The following SUMF1 variants were observed in gnomAD, a reference collection of about 807,000 sequenced individuals.
The protein encoded by SUMF1 is formylglycine-generating enzyme.
Under a neutral mutation model 47.6 loss-of-function variants are expected in SUMF1, and 48 were observed. The observed-to-expected ratio is 1.01, with a 90% CI of 0.80 to 1.28. The LOEUF (loss-of-function observed/expected upper bound fraction) is 1.28. Ranked by LOEUF, SUMF1 falls within the 50% of genes most tolerant of loss-of-function variation. The pLI is 0.00. For missense variants in SUMF1, 571 were observed against 485.4 expected (o/e 1.18, Z -1.66); for synonymous variants, 230 against 192.1 (o/e 1.20, Z -1.63).
At chr3:4,145,840 C>T (rs953765675) in intron 8 of SUMF1, among the ~76,000 whole-genome samples, 1 of 152,136 alleles carries the variant, frequency 6.6e-6, no homozygotes, top group African/African-American at 2.4e-5. Flanking sequence ...TGTCAAAAGG[C>T]TTCCCAGCCC....
chr3:4,369,718 T>C (rs1160326428), intron 8 of SUMF1, among the ~76,000 whole-genome samples: 2 of 152,186 alleles, frequency 1.3e-5, no homozygotes, highest in Non-Finnish European at 2.9e-5. Flanking sequence ...TCCTAGGCCA[T>C]ACATCCAGAA....
intron 8 of SUMF1, among the ~76,000 whole-genome samples, chr3:4,158,976 A>G (rs1322318228): frequency 6.6e-6 from 1 of 151,612 alleles, no homozygotes; most frequent in Non-Finnish European, 1.5e-5. Context: ...GTCTACTTAC[A>G]TTCAATGTTA....
At chr3:4,226,736 G>A (rs6783689) in intron 8 of SUMF1, among the ~76,000 whole-genome samples, 6 of 151,856 alleles carry the variant, frequency 4.0e-5, no homozygotes, top group Admixed American at 3.9e-4. Flanking sequence ...AATTCTAAAC[G>A]AGACAACCTG....
chr3:4,383,339 A>G (rs1700570684), intron 7 of SUMF1, among the ~76,000 whole-genome samples: 2 of 152,244 alleles, frequency 1.3e-5, no homozygotes, highest in African/African-American at 4.8e-5. Context: ...AGATTGTGCC[A>G]CTGCACTCCA....
chr3:4,050,257 C>T (rs938380139), intron 9 of SUMF1, among the ~76,000 whole-genome samples: 14 of 151,582 alleles, frequency 9.2e-5, no homozygotes, highest in African/African-American at 3.2e-4. Context: ...ATCTCCTGTC[C>T]GTTCTAAATG....
chr3:4,212,821 G>A lies in SUMF1; in HGVS notation c.1015-144076C>T, dbSNP rs570448742. 2.6e-5 allele frequency among the ~76,000 whole-genome samples: 4 copies of A among 152,220 alleles called. No individual in the cohort carries two copies. In the East Asian group the frequency reaches 7.7e-4, roughly 29 times the overall value. ...GGAAGAAAGGATATCGGTTATTCAA[G>A]ATCAAATTAATGAAATAAAGCGAGA... On this transcript the variant is annotated intron_variant and NMD_transcript_variant, in intron 8 of 12. Coordinates refer to the SUMF1 transcript ENST00000448413.
chr3:4,149,100 G>T (rs528725204), intron 8 of SUMF1, among the ~76,000 whole-genome samples: 1 of 152,218 alleles, frequency 6.6e-6, no homozygotes, highest in East Asian at 1.9e-4. Flanking sequence ...TTCCTTAAGA[G>T]CTCTGGAACT....
intron 1 of SUMF1, among the ~76,000 whole-genome samples, chr3:4,461,638 T>G (rs1559316336): frequency 1.3e-5 from 2 of 152,192 alleles, no homozygotes; most frequent in Admixed American, 6.5e-5. Context: ...TTTTTTTTTT[T>G]TCCTTCTTTC....
intron 9 of SUMF1, among the ~76,000 whole-genome samples, chr3:4,042,161 C>A (rs896353230): frequency 6.6e-6 from 1 of 152,090 alleles, no homozygotes; most frequent in Non-Finnish European, 1.5e-5. Context: ...CTTGACTACT[C>A]TAAAGACTAG....
At chr3:4,283,848 T>C (rs1261570956) in intron 8 of SUMF1, among the ~76,000 whole-genome samples, 1 of 152,128 alleles carries the variant, frequency 6.6e-6, no homozygotes, top group Non-Finnish European at 1.5e-5. Flanking sequence ...TGGTAAGGGA[T>C]CACTTTCAAA....
chr3:4,249,633 G>C (rs1241022509), intron 8 of SUMF1, among the ~76,000 whole-genome samples: 4 of 152,028 alleles, frequency 2.6e-5, no homozygotes, highest in Non-Finnish European at 5.9e-5. Flanking sequence ...AATTCCCTGA[G>C]ACACAGCAAT....
chr3:4,078,146 T>C (rs1304894085), intron 8 of SUMF1, among the ~76,000 whole-genome samples: 5 of 152,086 alleles, frequency 3.3e-5, no homozygotes, highest in Non-Finnish European at 5.9e-5. Flanking sequence ...AGCCGAAATA[T>C]GACCTCAAAA....
At chr3:4,331,814 A>G (rs1699057100) in intron 8 of SUMF1, among the ~76,000 whole-genome samples, 1 of 152,218 alleles carries the variant, frequency 6.6e-6, no homozygotes, top group African/African-American at 2.4e-5. Flanking sequence ...TAGGTAACAG[A>G]GCAAGACTCC....
intron 8 of SUMF1, among the ~76,000 whole-genome samples, chr3:4,300,330 C>A (rs577650694): frequency 7.6e-4 from 116 of 152,314 alleles, no homozygotes; most frequent in Middle Eastern, 3.4e-3. Flanking sequence ...CAGCACCATA[C>A]TACCTGTACA....
chr3:4,316,304 C>T (rs751500114), intron 8 of SUMF1: 22 of 1,116,036 alleles, frequency 2.0e-5, no homozygotes, highest in Non-Finnish European at 2.8e-5. Flanking sequence ...CAACTCGCAA[C>T]ATCAACAATG....
At chr3:4,300,519 A>G (rs914594482) in intron 8 of SUMF1, among the ~76,000 whole-genome samples, 1 of 151,736 alleles carries the variant, frequency 6.6e-6, no homozygotes, top group Non-Finnish European at 1.5e-5. Flanking sequence ...TGAATAGCAC[A>G]TTTATAAGGC....
intron 8 of SUMF1, among the ~76,000 whole-genome samples, chr3:4,100,489 A>C (rs904061900): frequency 6.6e-6 from 1 of 151,952 alleles, no homozygotes; most frequent in African/African-American, 2.4e-5. Flanking sequence ...GATAAAATTT[A>C]AATGTCCTTC....
intron 3 of SUMF1, among the ~76,000 whole-genome samples, chr3:4,436,323 T>C (rs1476336762): frequency 1.3e-5 from 2 of 152,188 alleles, no homozygotes; most frequent in Non-Finnish European, 1.5e-5. Context: ...TCAGTTGTTA[T>C]GTACGTATAT....
intron 8 of SUMF1, among the ~76,000 whole-genome samples, chr3:4,237,753 T>C (rs1236772300): frequency 1.3e-5 from 2 of 152,102 alleles, no homozygotes; most frequent in Admixed American, 6.6e-5. Flanking sequence ...TTAGGATTTT[T>C]GTAATTTTGC....
Sources: allele counts gnomAD v4.1 joint callset (sites outside exome capture counted in the v4.1 genomes callset), GRCh38; gene constraint gnomAD v4.1.1; transcripts MANE v1.5; gene names NCBI Gene and HGNC (gene_info 2026-07-23, HGNC 2026-07-21).